The following AOX1 variants were observed in gnomAD, a reference collection of about 807,000 sequenced individuals.
The protein encoded by AOX1 is aldehyde oxidase 1.
In AOX1, 153 loss-of-function variants were observed where a neutral mutation model predicts 169.5. That is an observed-to-expected ratio of 0.90 (90% CI 0.79 to 1.03). AOX1 has a LOEUF of 1.03. Ranked by LOEUF, AOX1 falls within the 50% of genes least tolerant of loss-of-function variation. AOX1 has a pLI of 0.00. For missense variants in AOX1, 1,656 were observed against 1,663.9 expected, an observed-to-expected ratio of 1.00 and a Z score of 0.08; for synonymous variants, 562 against 581.9, an observed-to-expected ratio of 0.97 and a Z score of 0.49.
intron 25 of AOX1, among the ~76,000 whole-genome samples, chr2:200,643,343 A>G (rs1232564685): frequency 6.6e-6 from 1 of 151,488 alleles, no homozygotes; most frequent in East Asian, 1.9e-4. Flanking sequence ...GGGTGTATGT[A>G]TATACATATA....
At chr2:200,606,970 T>C (rs1000408885) in intron 10 of AOX1, among the ~76,000 whole-genome samples, 2 of 152,198 alleles carry the variant, frequency 1.3e-5, no homozygotes, top group African/African-American at 4.8e-5. Flanking sequence ...TGAATACCTG[T>C]ATTTCTTTCT....
intron 24 of AOX1, among the ~76,000 whole-genome samples, chr2:200,642,121 C>G (rs535206962): frequency 6.2e-4 from 94 of 151,954 alleles, no homozygotes; most frequent in African/African-American, 2.2e-3. Flanking sequence ...AAAAGTGAAA[C>G]TCTGTCTAAA....
Position 200,656,937 on chromosome 2 carries a change from G to T in AOX1, c.3171G>T (p.Gln1057His). Residue 1057 changes from glutamine (Q) to histidine (H), a missense_variant and splice_region_variant, in exon 27 of 35, where the codon CAG becomes CAT. By Grantham distance (24) the Gln-to-His change is conservative. Transcript: ENST00000374700. ...MGQGVHTKMI[Q>H]VVSRELRMPM... is the part of the protein sequence containing the mutation. ...AGGGGGTCCACACTAAAATGATTCA[G>T]GTAAGAATGCAAATAACTCGATTGA... 1 of 1,558,228 alleles carries T rather than the reference G, an allele frequency of 6.4e-7. No homozygotes were observed. The highest frequency in any genetic ancestry group is 8.7e-7 in the Non-Finnish European group (1 of 1,149,912).
chr2:200,624,077 A>C, intron 19 of AOX1, 94 bp downstream of exon 19: 2 of 1,523,636 alleles, frequency 1.3e-6, no homozygotes, highest in Non-Finnish European at 1.8e-6. Flanking sequence ...AATGTGGCTC[A>C]AAGTGGCCTC....
At chr2:200,655,371 T>C (rs1160275492) in intron 26 of AOX1, among the ~76,000 whole-genome samples, 2 of 152,192 alleles carry the variant, frequency 1.3e-5, no homozygotes, top group Non-Finnish European at 2.9e-5. Context: ...GGGCTCTCTG[T>C]AGAGGAAAAC....
intron 21 of AOX1, 33 bp downstream of exon 21, chr2:200,634,948 T>C (rs1352247572): frequency 6.2e-7 from 1 of 1,604,826 alleles, no homozygotes; most frequent in Non-Finnish European, 8.5e-7. Flanking sequence ...AGGACATGGC[T>C]AAATGATTTC....
At chr2:200,618,670 T>C (rs557915258) in intron 16 of AOX1, among the ~76,000 whole-genome samples, 4 of 152,298 alleles carry the variant, frequency 2.6e-5, no homozygotes, top group Middle Eastern at 3.4e-3. Flanking sequence ...TTTTTTGTTT[T>C]TTTGAGGCCC....
chr2:200,590,596 T>C (rs898896539), intron 1 of AOX1, among the ~76,000 whole-genome samples: 1 of 152,076 alleles, frequency 6.6e-6, no homozygotes, highest in Non-Finnish European at 1.5e-5. Context: ...ACAAAACACA[T>C]TTCAAACTGG....
intron 1 of AOX1, among the ~76,000 whole-genome samples, chr2:200,592,726 A>T (rs1453469536): frequency 1.3e-5 from 2 of 152,208 alleles, no homozygotes. Flanking sequence ...TTTAAAAATT[A>T]ACTATATCAA....
Position 200,620,951 on chromosome 2 carries a change from G to GA in AOX1, c.1874+132_1874+133insA. The stretch of plus-strand genomic sequence containing the variant: ...TCCAATGCAGACCAGAGGTGAAACA[G>GA]GATCGAAATGTAGGATTTACTACAA... On this transcript the variant is annotated intron_variant, in intron 17 of 34. Transcript: ENST00000374700. The GA allele has an allele frequency of 1.2e-5, 16 of 1,301,660 alleles. No individual in the cohort carries two copies. In the South Asian group the frequency reaches 1.9e-4, roughly 15 times the overall value. The allele number at this position is 1,301,660 out of a possible 1,614,324, so 80.6% of individuals were successfully genotyped here.
intron 27 of AOX1, among the ~76,000 whole-genome samples, chr2:200,658,037 A>G (rs1474226060): frequency 1.3e-5 from 2 of 152,348 alleles, no homozygotes; most frequent in Admixed American, 6.5e-5. Flanking sequence ...GGATACATAT[A>G]TGATTTATTT....
rs780857791 is a variant in AOX1 at position 200,611,337 on chromosome 2, T to G, written c.1154-47T>G. On this transcript the variant is annotated intron_variant, in intron 12 of 34. Coordinates refer to ENST00000374700, the MANE Select transcript of AOX1 (RefSeq NM_001159.4). ...TACTTCCTAAGTTTTGGAAGTTTAT[T>G]TAACAGACCAAACAGATCCCAGGGA... 4 of 1,380,354 alleles carry G rather than the reference T, an allele frequency of 2.9e-6. No individual in the cohort carries two copies. The East Asian group carries it at 9.1e-5, about 32-fold the overall frequency. The allele number at this position is 1,380,354 out of a possible 1,614,324, so 85.5% of individuals were successfully genotyped here.
At chr2:200,596,933 G>A (rs1348516263) in intron 3 of AOX1, among the ~76,000 whole-genome samples, 2 of 152,054 alleles carry the variant, frequency 1.3e-5, no homozygotes, top group Non-Finnish European at 2.9e-5. Flanking sequence ...TTTGTACTAA[G>A]GCACCAGTTT....
intron 19 of AOX1, among the ~76,000 whole-genome samples, chr2:200,624,504 A>G (rs958127101): frequency 1.1e-4 from 17 of 152,136 alleles, no homozygotes; most frequent in East Asian, 1.9e-4. Context: ...GGGATGCTAG[A>G]TGGGAAACAG....
At chr2:200,660,123 A>G in intron 29 of AOX1, 54 bp downstream of exon 29, 4 of 1,396,154 alleles carry the variant, frequency 2.9e-6, no homozygotes, top group Non-Finnish European at 4.1e-6. Context: ...GAGTGGGAGG[A>G]GAGCAAGAGC....
In AOX1 at chr2:200,659,265, T is replaced by C. The variant is rs1418084465; in HGVS notation, c.3272T>C (p.Val1091Ala). ...GCAAATATCTCTGGAGGTTCTGTGG[T>C]GGCAGATCTCAACGGTTTGGCAGTA... ...PNANISGGSV[V>A]ADLNGLAVKD... is the part of the protein sequence containing the mutation. The change falls in exon 28 of 35, where the codon GTG becomes GCG. Residue 1091 changes from valine (V) to alanine (A), a missense_variant. Val to Ala is a moderately conservative substitution (Grantham distance 64). Transcript: ENST00000374700. The C allele has an allele frequency of 3.1e-6, 5 of 1,613,358 alleles. No homozygotes were observed. The highest frequency in any genetic ancestry group is 1.3e-5 in the African/African-American group (1 of 74,874).
At chr2:200,682,029 C>T (rs953693304), downstream of AOX1, among the ~76,000 whole-genome samples, 22 of 152,032 alleles carry the variant, frequency 1.4e-4, no homozygotes, top group Middle Eastern at 6.8e-3. Context: ...AAAAACACTA[C>T]GACTCATAAA....
chr2:200,598,561 A>G (rs2034336532), intron 4 of AOX1, among the ~76,000 whole-genome samples: 1 of 152,068 alleles, frequency 6.6e-6, no homozygotes, highest in Admixed American at 6.6e-5. Context: ...TGGCCAATGT[A>G]GTGAAACCCT....
chr2:200,591,273 G>A (rs1559228426), intron 1 of AOX1, among the ~76,000 whole-genome samples: 1 of 152,202 alleles, frequency 6.6e-6, no homozygotes, highest in Non-Finnish European at 1.5e-5. Flanking sequence ...ATGATACAGT[G>A]TAAAAAGTGT....
Sources: gnomAD v4.1 joint callset for allele counts (sites outside exome capture counted in the v4.1 genomes callset) on GRCh38, gnomAD v4.1.1 for gene constraint, MANE v1.5 for transcripts, NCBI Gene and HGNC (gene_info 2026-07-23, HGNC 2026-07-21) for gene names.